The following MALRD1 variants were observed in gnomAD, a reference collection of about 807,000 sequenced individuals.
MALRD1 encodes the protein MAM and LDL-receptor class A domain-containing protein 1.
A neutral mutation model predicts 242.1 loss-of-function variants in MALRD1; 247 were observed. That is an observed-to-expected ratio of 1.02 (90% CI 0.92 to 1.13). The LOEUF is 1.13. MALRD1 is among the 50% of genes most tolerant of loss of function. The pLI, the probability that MALRD1 is intolerant of heterozygous loss-of-function variation, is 0.00. For synonymous variants in MALRD1, 995 were observed against 866.6 expected (o/e 1.15, Z -2.60); for missense variants, 2,989 against 2,533.1 (o/e 1.18, Z -3.86).
At chr10:19,697,977 G>A (rs1324677247) in intron 38 of MALRD1, among the ~76,000 whole-genome samples, 1 of 152,036 alleles carries the variant, frequency 6.6e-6, no homozygotes, top group African/African-American at 2.4e-5. Flanking sequence ...CTCCATAGAT[G>A]TCATTCATTT....
chr10:19,474,584 A>G (rs979045868), intron 29 of MALRD1, among the ~76,000 whole-genome samples: 50 of 152,238 alleles, frequency 3.3e-4, no homozygotes, highest in African/African-American at 1.1e-3. Flanking sequence ...ATTACAAGGA[A>G]TAAGCCCATT....
intron 21 of MALRD1, among the ~76,000 whole-genome samples, chr10:19,283,789 G>T (rs1465386060): frequency 1.3e-5 from 2 of 152,250 alleles, no homozygotes; most frequent in East Asian, 1.9e-4. Flanking sequence ...CTCAACTAGT[G>T]GATTTCCCAG....
chr10:19,440,603 C>G (rs1445962465), intron 28 of MALRD1, among the ~76,000 whole-genome samples: 2 of 152,102 alleles, frequency 1.3e-5, no homozygotes, highest in Non-Finnish European at 2.9e-5. Flanking sequence ...GTTTGGTTTT[C>G]TATTCTTGCG....
At chr10:19,460,360 A>G (rs951366913) in intron 29 of MALRD1, among the ~76,000 whole-genome samples, 1 of 152,178 alleles carries the variant, frequency 6.6e-6, no homozygotes, top group Non-Finnish European at 1.5e-5. Context: ...ATATTTATAC[A>G]TGCACAAATA....
intron 14 of MALRD1, among the ~76,000 whole-genome samples, chr10:19,192,678 G>A (rs1169944259): frequency 1.3e-5 from 2 of 152,160 alleles, no homozygotes; most frequent in Non-Finnish European, 2.9e-5. Context: ...TGTCATCCTA[G>A]ACATCTGACC....
chr10:19,454,431 T>TATATATATATATATAA lies in MALRD1; in HGVS notation c.5029+3942_5029+3943insTATATATATATATAAA, dbSNP rs1011890675. Among the ~76,000 whole-genome samples the TATATATATATATATAA allele has an allele frequency of 1.4e-3, 185 of 136,636 alleles. 3 individuals are homozygous for TATATATATATATATAA. Among genetic ancestry groups the TATATATATATATATAA allele is most frequent in the Middle Eastern group, 4.0e-3 (1 of 252 alleles). 89.6% of individuals were successfully genotyped at this position (136,636 alleles called of 152,430 possible). On this transcript the variant is annotated intron_variant, in intron 29 of 39. Transcript: ENST00000454679. ...ATATATATATATATATATATATATA[T>TATATATATATATATAA]AATTATATGATACATACATATAAAT...
At chr10:19,220,791 C>A (rs563053352) in intron 18 of MALRD1, among the ~76,000 whole-genome samples, 1 of 152,260 alleles carries the variant, frequency 6.6e-6, no homozygotes, top group South Asian at 2.1e-4. Flanking sequence ...AGTTCAGTAT[C>A]AATGGCAGTC....
At chr10:19,707,010 T>C (rs1274138478) in intron 38 of MALRD1, among the ~76,000 whole-genome samples, 3 of 151,096 alleles carry the variant, frequency 2.0e-5, no homozygotes, top group Non-Finnish European at 1.5e-5. Flanking sequence ...CTCCTCCTCC[T>C]TCTTCTCTTC....
chr10:19,181,662 A>C (rs1013986100), intron 14 of MALRD1, among the ~76,000 whole-genome samples: 1 of 152,180 alleles, frequency 6.6e-6, no homozygotes, highest in Non-Finnish European at 1.5e-5. Flanking sequence ...ATAACACTTG[A>C]GGACTACAGT....
At chr10:19,199,191 A>G (rs1295879919) in intron 14 of MALRD1, among the ~76,000 whole-genome samples, 1 of 152,184 alleles carries the variant, frequency 6.6e-6, no homozygotes, top group African/African-American at 2.4e-5. Flanking sequence ...TCTTTAAAGG[A>G]ACAAGAAGAG....
chr10:19,389,309 A>G (rs1026496607), intron 27 of MALRD1, 143 bp from the exon 28 acceptor site: 11 of 934,206 alleles, frequency 1.2e-5, no homozygotes, highest in Non-Finnish European at 1.8e-5. Context: ...AGGCTATTAG[A>G]TTTTCTTTCT....
At position 19,380,913 on chromosome 10, in the gene MALRD1, C is replaced by CT. The variant is rs71387072; in HGVS notation, c.4442-6604dup. Among the ~76,000 whole-genome samples, 8 of 149,072 alleles carry CT rather than the reference C, an allele frequency of 5.4e-5. No homozygotes were observed. The South Asian group carries it at 1.3e-3, about 24-fold the overall frequency. The stretch of plus-strand genomic sequence containing the variant: ...AGAACGTTCTGTAGCAATTTCTTTT[C>CT]TTTTTTTTTTTATACTTTAGGTTTT... On this transcript the variant is annotated intron_variant, in intron 26 of 39. Coordinates refer to ENST00000454679, the MANE Select transcript of MALRD1 (RefSeq NM_001142308.3).
chr10:19,614,298 T>A (rs1407385972), intron 35 of MALRD1, among the ~76,000 whole-genome samples: 1 of 152,054 alleles, frequency 6.6e-6, no homozygotes, highest in African/African-American at 2.4e-5. Context: ...TGAACAACTA[T>A]ACTAAGATGT....
At chr10:19,568,472 A>G (rs1836356614) in intron 33 of MALRD1, among the ~76,000 whole-genome samples, 1 of 151,958 alleles carries the variant, frequency 6.6e-6, no homozygotes, top group South Asian at 2.1e-4. Context: ...ATCCTGGGCA[A>G]TTTCAACTTC....
chr10:19,173,698 C>T (rs1375133477), intron 13 of MALRD1, among the ~76,000 whole-genome samples: 1 of 152,116 alleles, frequency 6.6e-6, no homozygotes, highest in African/African-American at 2.4e-5. Context: ...CTCAGTTTCT[C>T]GAGGTAAAAT....
intron 38 of MALRD1, among the ~76,000 whole-genome samples, chr10:19,702,256 G>A (rs548281350): frequency 3.9e-5 from 6 of 152,174 alleles, no homozygotes; most frequent in Non-Finnish European, 8.8e-5. Context: ...ACTACAGCAA[G>A]TTTAATTTTT....
chr10:19,648,477 T>C (rs1395487013), intron 36 of MALRD1, among the ~76,000 whole-genome samples: 1 of 152,136 alleles, frequency 6.6e-6, no homozygotes, highest in African/African-American at 2.4e-5. Context: ...ATCAGCCCTA[T>C]CATAGCTTAA....
intron 36 of MALRD1, among the ~76,000 whole-genome samples, chr10:19,673,921 G>A (rs1842034784): frequency 1.3e-5 from 2 of 152,002 alleles, no homozygotes; most frequent in East Asian, 1.9e-4. Flanking sequence ...GCGTGTGCAT[G>A]TATGTATCTG....
intron 33 of MALRD1, among the ~76,000 whole-genome samples, chr10:19,570,695 TAAAGA>T (rs1422278156): frequency 2.6e-5 from 4 of 152,132 alleles, no homozygotes; most frequent in Non-Finnish European, 2.9e-5. Context: ...TAGAAAATGG[TAAAGA>T]AAAGTGTGAA....
Sources: gnomAD v4.1 joint callset for allele counts (sites outside exome capture counted in the v4.1 genomes callset) on GRCh38, gnomAD v4.1.1 for gene constraint, MANE v1.5 for transcripts, NCBI Gene and HGNC (gene_info 2026-07-23, HGNC 2026-07-21) for gene names.